The following GNPTAB variants were observed in gnomAD, a reference collection of about 807,000 sequenced individuals.
The protein encoded by GNPTAB is N-acetylglucosamine-1-phosphotransferase subunits alpha/beta.
In GNPTAB, 92 loss-of-function variants were observed where a neutral mutation model predicts 136.6. The observed-to-expected ratio is 0.67, with a 90% CI of 0.57 to 0.80. GNPTAB has a LOEUF of 0.80. GNPTAB is among the 30% of genes least tolerant of loss of function. GNPTAB has a pLI of 0.00. For missense variants in GNPTAB, 1,343 were observed against 1,501.8 expected (o/e 0.89, Z 1.75); for synonymous variants, 512 against 535.1 (o/e 0.96, Z 0.60).
At position 101,812,421 on chromosome 12, in the gene GNPTAB, A is replaced by G. The variant is rs11111041; in HGVS notation, c.118-15659T>C. Among the ~76,000 whole-genome samples, 3,398 of 152,212 alleles carry G rather than the reference A, an allele frequency of 0.022. 344 individuals carry two copies. The East Asian group carries it at 0.31, about 14-fold the overall frequency. On this transcript the variant is annotated intron_variant, in intron 1 of 20. Transcript: ENST00000299314. ...TTGGTCAGGGACACAAATCCAAACCATATCACCTTGCCAAAGCAAGGCCTC... is the reference window on the plus strand; with the variant it reads ...TTGGTCAGGGACACAAATCCAAACCGTATCACCTTGCCAAAGCAAGGCCTC...
chr12:101,798,751 C>A (rs182566799), intron 1 of GNPTAB, among the ~76,000 whole-genome samples: 2 of 152,180 alleles, frequency 1.3e-5, no homozygotes, highest in Non-Finnish European at 2.9e-5. Context: ...TGTAGTGACA[C>A]TAATTATCTC....
intron 1 of GNPTAB, among the ~76,000 whole-genome samples, chr12:101,799,727 A>AG (rs57891332): frequency 0.64 from 96,925 of 151,848 alleles, 32,313 homozygotes; most frequent in East Asian, 0.92. Context: ...CCTTGCCAGT[A>AG]AGTACTTCTA....
At chr12:101,803,173 T>C (rs73183043) in intron 1 of GNPTAB, among the ~76,000 whole-genome samples, 31,266 of 152,116 alleles carry the variant, frequency 0.21, 3,300 homozygotes, top group Admixed American at 0.24. Flanking sequence ...CCTCTAACCT[T>C]GTCTTCCCTC....
chr12:101,786,275 G>C, intron 4 of GNPTAB, 58 bp from the exon 5 acceptor site: 4 of 1,376,758 alleles, frequency 2.9e-6, no homozygotes, highest in Non-Finnish European at 4.1e-6. Flanking sequence ...TCAGCAATGA[G>C]AAGCTTGTCA....
At chr12:101,811,812 T>G (rs1463655007) in intron 1 of GNPTAB, among the ~76,000 whole-genome samples, 1 of 151,676 alleles carries the variant, frequency 6.6e-6, no homozygotes, top group East Asian at 1.9e-4. Flanking sequence ...CTAATTTTTG[T>G]ATTTTTAGTA....
chr12:101,824,367 A>G (rs530591101), intron 1 of GNPTAB, among the ~76,000 whole-genome samples: 18 of 133,176 alleles, frequency 1.4e-4, no homozygotes, highest in African/African-American at 5.2e-4. Flanking sequence ...TGATGACATC[A>G]TTTGAGCACC....
intron 1 of GNPTAB, among the ~76,000 whole-genome samples, chr12:101,797,580 C>A (rs957158123): frequency 3.9e-5 from 6 of 152,028 alleles, no homozygotes; most frequent in African/African-American, 1.2e-4. Context: ...GCCAAGATCG[C>A]GCCACTGCAC....
At chr12:101,759,131 A>T (rs1429728925) in intron 16 of GNPTAB, among the ~76,000 whole-genome samples, 3 of 152,164 alleles carry the variant, frequency 2.0e-5, no homozygotes, top group African/African-American at 7.2e-5. Context: ...TGGGATGCTA[A>T]GGCAGGCGTA....
chr12:101,788,403 G>T (rs2108694), intron 4 of GNPTAB, 145 bp downstream of exon 4: 1 of 676,704 alleles, frequency 1.5e-6, no homozygotes, highest in African/African-American at 1.8e-5. Flanking sequence ...AAAATTTCCT[G>T]TCTAATAGAT....
intron 10 of GNPTAB, among the ~76,000 whole-genome samples, chr12:101,768,427 AGT>A (rs1345679885): frequency 6.6e-6 from 1 of 152,246 alleles, no homozygotes; most frequent in Non-Finnish European, 1.5e-5. Flanking sequence ...CTCATGGATT[AGT>A]CTCTCATAAC....
At chr12:101,806,285 A>G (rs1268195853) in intron 1 of GNPTAB, among the ~76,000 whole-genome samples, 2 of 152,246 alleles carry the variant, frequency 1.3e-5, no homozygotes, top group Non-Finnish European at 1.5e-5. Flanking sequence ...AAACAAGCCA[A>G]AACTGCCAAA....
intron 5 of GNPTAB, among the ~76,000 whole-genome samples, chr12:101,782,978 C>T (rs1594231567): frequency 6.6e-6 from 1 of 152,028 alleles, no homozygotes; most frequent in African/African-American, 2.4e-5. Flanking sequence ...ATGTCCCTAC[C>T]ATCCAAATTA....
chr12:101,824,881 T>C (rs773967780), intron 1 of GNPTAB, among the ~76,000 whole-genome samples: 2 of 152,184 alleles, frequency 1.3e-5, no homozygotes, highest in African/African-American at 2.4e-5. Context: ...GTTAAACCAC[T>C]AGTAATTCAA....
intron 1 of GNPTAB, among the ~76,000 whole-genome samples, chr12:101,810,246 T>TA (rs1205523379): frequency 3.3e-5 from 5 of 151,994 alleles, no homozygotes; most frequent in Admixed American, 3.3e-4. Context: ...ACCCGGTCTC[T>TA]AAAAATAATA....
intron 1 of GNPTAB, chr12:101,810,740 A>C (rs1027145575): frequency 1.3e-5 from 2 of 152,066 alleles, no homozygotes; most frequent in African/African-American, 2.4e-5. Flanking sequence ...TATTTAAAAA[A>C]AAAAAAGGAA....
At position 101,760,124 on chromosome 12, in the gene GNPTAB, T is replaced by C. The variant is rs767066788; in HGVS notation, c.3155A>G (p.His1052Arg). 1 of 1,605,640 alleles carries C rather than the reference T, an allele frequency of 6.2e-7. No individual in the cohort carries two copies. The highest frequency in any genetic ancestry group is 1.1e-5 in the South Asian group (1 of 90,904). ...CATTTTTGAGCAATTTATTAGCATGTGTTCCAGACCTGTCAAATCCTAACA... is the reference window on the plus strand; with the variant it reads ...CATTTTTGAGCAATTTATTAGCATGCGTTCCAGACCTGTCAAATCCTAACA... ...LSLQDLTGLE[H>R]MLINCSKMLP... The change falls in exon 16 of 21, where the codon CAC (histidine) becomes CGC (arginine). Residue 1052 changes from histidine to arginine, a missense_variant. His to Arg is a conservative substitution (Grantham distance 29, BLOSUM62 0). Coordinates refer to ENST00000299314, the MANE Select transcript of GNPTAB (RefSeq NM_024312.5).
intron 1 of GNPTAB, among the ~76,000 whole-genome samples, chr12:101,805,627 C>T (rs549632781): frequency 1.1e-3 from 169 of 152,302 alleles, no homozygotes; most frequent in African/African-American, 4.0e-3. Context: ...AACTCCTGGG[C>T]TCATGCGATC....
intron 1 of GNPTAB, among the ~76,000 whole-genome samples, chr12:101,812,696 C>G (rs1299858815): frequency 6.6e-6 from 1 of 152,102 alleles, no homozygotes; most frequent in Non-Finnish European, 1.5e-5. Flanking sequence ...GAGGCTGAGG[C>G]TGCAGTGAGC....
intron 7 of GNPTAB, chr12:101,773,799 T>C (rs983324310): frequency 1.3e-5 from 2 of 152,342 alleles, no homozygotes; most frequent in South Asian, 4.1e-4. Flanking sequence ...TCATTACTTT[T>C]GTCAGAAGAG....
Sources: allele counts gnomAD v4.1 joint callset (sites outside exome capture counted in the v4.1 genomes callset), GRCh38; gene constraint gnomAD v4.1.1; transcripts MANE v1.5; gene names NCBI Gene and HGNC (gene_info 2026-07-23, HGNC 2026-07-21).